The following DSCAML1 variants were observed in gnomAD, a reference collection of about 807,000 sequenced individuals.
DSCAML1 encodes cell adhesion molecule DSCAML1.
DSCAML1 carries 38 observed loss-of-function variants against 200.5 expected under a neutral mutation model. That is an observed-to-expected ratio of 0.19 (90% confidence interval 0.15 to 0.25). The LOEUF (loss-of-function observed/expected upper bound fraction) is 0.25. Ranked by LOEUF, DSCAML1 falls within the 10% of genes least tolerant of loss-of-function variation. The pLI, the probability that DSCAML1 is intolerant of heterozygous loss-of-function variation, is 1.00. For missense variants in DSCAML1, 2,223 were observed against 2,858.8 expected (o/e 0.78, Z 5.07); for synonymous variants, 1,215 against 1,165.0 (o/e 1.04, Z -0.87).
chr11:117,693,260 T>C (rs2053530297), intron 3 of DSCAML1, among the ~76,000 whole-genome samples: 1 of 152,174 alleles, frequency 6.6e-6, no homozygotes, highest in Admixed American at 6.5e-5. Flanking sequence ...ACAGAATCGA[T>C]TTTTTGGAAC....
At chr11:117,640,457 A>G (rs1163681509) in intron 3 of DSCAML1, among the ~76,000 whole-genome samples, 2 of 152,208 alleles carry the variant, frequency 1.3e-5, no homozygotes, top group African/African-American at 4.8e-5. Flanking sequence ...GTGCTACGTC[A>G]TACAGAGGCA....
chr11:117,749,004 T>C lies in DSCAML1; in HGVS notation c.511+27787A>G, dbSNP rs1382388413. Reference sequence around the variant, plus strand: ...CGGCCCCATGGCCCACAGCTCACCCTTGACACACGTGCCTTGCCTGGCTTT... The same window carrying C: ...CGGCCCCATGGCCCACAGCTCACCCCTGACACACGTGCCTTGCCTGGCTTT... On this transcript the variant is annotated intron_variant, in intron 3 of 32. Transcript: ENST00000651296. Among the ~76,000 whole-genome samples, 4 of 152,208 alleles carry C rather than the reference T, an allele frequency of 2.6e-5. 1 individual carries two copies. The highest frequency in any genetic ancestry group is 2.6e-4 in the Admixed American group (4 of 15,292).
chr11:117,663,649 C>T (rs2052911397), intron 3 of DSCAML1, among the ~76,000 whole-genome samples: 1 of 151,614 alleles, frequency 6.6e-6, no homozygotes, highest in African/African-American at 2.4e-5. Flanking sequence ...CTTCCCCTCC[C>T]CCTGCCCTTT....
rs549821327 is a variant in DSCAML1 at position 117,532,273 on chromosome 11, A to C, written c.658+103T>G. 4.1e-4 allele frequency: 482 copies of C among 1,188,318 alleles called. 1 individual carries two copies. The highest frequency in any genetic ancestry group is 5.9e-4 in the Middle Eastern group (2 of 3,392). The allele number at this position is 1,188,318 out of a possible 1,614,324, so 73.6% of individuals were successfully genotyped here. A position where few individuals can be genotyped will look rare whatever the true frequency, so the allele number is the denominator to read the frequency against. ...CTCTTTCTCTGATTTCCCTGAGTAC[A>C]CAGGGGGCTCCTCCATCTGCGGTGG... On this transcript the variant is annotated intron_variant, in intron 4 of 32. Transcript: ENST00000651296.
At chr11:117,646,462 G>A (rs928768488) in intron 3 of DSCAML1, among the ~76,000 whole-genome samples, 2 of 152,132 alleles carry the variant, frequency 1.3e-5, no homozygotes, top group Non-Finnish European at 1.5e-5. Context: ...AGAGTCCCTC[G>A]CTTCCTTCCC....
chr11:117,597,044 T>C (rs534668083), intron 3 of DSCAML1, among the ~76,000 whole-genome samples: 1 of 152,338 alleles, frequency 6.6e-6, no homozygotes, highest in East Asian at 1.9e-4. Context: ...TTATTATTAT[T>C]GGATGGTGCT....
At chr11:117,802,612 C>T (rs377752097) in intron 1 of DSCAML1, among the ~76,000 whole-genome samples, 5 of 152,142 alleles carry the variant, frequency 3.3e-5, no homozygotes, top group African/African-American at 4.8e-5. Context: ...TGGAGTTTCT[C>T]GTCTCTAAGA....
intron 3 of DSCAML1, among the ~76,000 whole-genome samples, chr11:117,563,074 G>A (rs1249025799): frequency 6.6e-6 from 1 of 152,176 alleles, no homozygotes; most frequent in Non-Finnish European, 1.5e-5. Context: ...CTGAAATGAA[G>A]TGAACGCCAA....
At chr11:117,468,841 C>T (rs923631387) in intron 16 of DSCAML1, among the ~76,000 whole-genome samples, 6 of 152,226 alleles carry the variant, frequency 3.9e-5, no homozygotes, top group Non-Finnish European at 8.8e-5. Flanking sequence ...CTCTCTCACT[C>T]TCAAGTCTAC....
intron 1 of DSCAML1, among the ~76,000 whole-genome samples, chr11:117,807,351 C>G (rs535768507): frequency 7.3e-4 from 111 of 152,346 alleles, no homozygotes; most frequent in African/African-American, 2.6e-3. Flanking sequence ...GGCTCCAACC[C>G]TGGCCTTGCC....
In DSCAML1 at chr11:117,524,918, C is replaced by T. The variant is rs370860025; in HGVS notation, c.824G>A (p.Arg275His). 56 of 1,613,628 alleles carry T rather than the reference C, an allele frequency of 3.5e-5. No homozygotes were observed. Among genetic ancestry groups the T allele is most frequent in the East Asian group, 1.1e-4 (5 of 44,870 alleles). Residue 275 changes from arginine (R) to histidine (H), a missense_variant, in exon 5 of 33, where the codon CGC (arginine) becomes CAC (histidine). Physicochemically the swap from Arg to His is conservative, Grantham distance 29. Transcript: ENST00000651296. ...GTCGCTGATGGTCAGCCCTGTGATG[C>T]GCTTGGTCCAGCGGCTGTCAGCCGG... ...PLPADSRWTK[R>H]ITGLTISDLR...
At chr11:117,709,923 C>T (rs2053817368) in intron 3 of DSCAML1, among the ~76,000 whole-genome samples, 1 of 152,190 alleles carries the variant, frequency 6.6e-6, no homozygotes, top group Non-Finnish European at 1.5e-5. Context: ...CCCCTGCCTC[C>T]AGCCAGGACC....
At chr11:117,658,838 G>A (rs1388094150) in intron 3 of DSCAML1, among the ~76,000 whole-genome samples, 1 of 152,178 alleles carries the variant, frequency 6.6e-6, no homozygotes, top group African/African-American at 2.4e-5. Flanking sequence ...CCAACATCCA[G>A]ATACTCCTTA....
chr11:117,695,310 TTTTTC>T (rs2053568814), intron 3 of DSCAML1, among the ~76,000 whole-genome samples: 1 of 144,124 alleles, frequency 6.9e-6, no homozygotes, highest in African/African-American at 2.7e-5. Context: ...TCTTTCTTTC[TTTTTC>T]TTTTTTTTTT....
At chr11:117,555,242 C>T (rs1054573405) in intron 3 of DSCAML1, among the ~76,000 whole-genome samples, 9 of 152,234 alleles carry the variant, frequency 5.9e-5, no homozygotes, top group Non-Finnish European at 1.0e-4. Flanking sequence ...TTCATGCCAG[C>T]TCTCTGCTAG....
intron 11 of DSCAML1, among the ~76,000 whole-genome samples, chr11:117,502,640 T>C (rs2049417597): frequency 6.6e-6 from 1 of 152,088 alleles, no homozygotes; most frequent in Non-Finnish European, 1.5e-5. Context: ...GTGGGAACTC[T>C]GGGGAGAGGC....
chr11:117,646,276 C>G (rs1007456422), intron 3 of DSCAML1, among the ~76,000 whole-genome samples: 1 of 151,868 alleles, frequency 6.6e-6, no homozygotes, highest in Non-Finnish European at 1.5e-5. Flanking sequence ...TGCAGAGTCC[C>G]GGGACTCCCT....
At chr11:117,507,874 G>A (rs1013215094) in intron 8 of DSCAML1, among the ~76,000 whole-genome samples, 1 of 152,202 alleles carries the variant, frequency 6.6e-6, no homozygotes, top group Non-Finnish European at 1.5e-5. Flanking sequence ...CCTGGGTTGG[G>A]ACTCTGCCCC....
At chr11:117,678,979 G>T (rs1313302917) in intron 3 of DSCAML1, among the ~76,000 whole-genome samples, 1 of 152,250 alleles carries the variant, frequency 6.6e-6, no homozygotes, top group Non-Finnish European at 1.5e-5. Context: ...GGTTCAAGCG[G>T]AGAACATCTG....
Sources: allele counts gnomAD v4.1 joint callset (sites outside exome capture counted in the v4.1 genomes callset), GRCh38; gene constraint gnomAD v4.1.1; transcripts MANE v1.5; gene names NCBI Gene and HGNC (gene_info 2026-07-23, HGNC 2026-07-21).